The following LANCL3 variants were observed in gnomAD, a reference collection of about 807,000 sequenced individuals.
LANCL3 encodes the protein LanC like family member 3.
LANCL3 carries 19 observed loss-of-function variants against 26.5 expected under a neutral mutation model. That is an observed-to-expected ratio of 0.72 (90% confidence interval 0.50 to 1.05). The LOEUF (loss-of-function observed/expected upper bound fraction) is 1.05, where lower values mean the gene tolerates loss of function less well. Ranked by LOEUF, LANCL3 falls within the 50% of genes least tolerant of loss-of-function variation. LANCL3 has a pLI of 0.00. For missense variants in LANCL3, 318 were observed against 362.7 expected, an observed-to-expected ratio of 0.88 and a Z score of 1.00; for synonymous variants, 160 against 166.6, an observed-to-expected ratio of 0.96 and a Z score of 0.30.
chrX:37,622,307 G>C (rs1293420690), intron 1 of LANCL3, among the ~76,000 whole-genome samples: 1 of 110,727 alleles, frequency 9.0e-6, no homozygotes, highest in Non-Finnish European at 1.9e-5. Flanking sequence ...AATCAATAAG[G>C]GTTCCCTGTG....
At chrX:37,576,679 T>C (rs1348270802) in intron 1 of LANCL3, among the ~76,000 whole-genome samples, 1 of 111,457 alleles carries the variant, frequency 9.0e-6, no homozygotes, top group African/African-American at 3.3e-5. Flanking sequence ...AATAAAAGTC[T>C]GTTGGTGAAG....
intron 1 of LANCL3, among the ~76,000 whole-genome samples, chrX:37,613,764 C>G (rs1450484655): frequency 1.8e-5 from 2 of 112,306 alleles, no homozygotes; most frequent in Admixed American, 9.4e-5. Context: ...TATGTTTAGT[C>G]CATTCTACTC....
Position 37,571,809 on chromosome X carries a change from G to T in LANCL3, c.-62G>T. On this transcript the variant is annotated 5_prime_UTR_variant, in exon 1 of 5. Transcript: ENST00000378619. ...CCTCAGAGAGCCGGAGGTGGTGTGCGGGGCTGCAGGGCACGACTTCAAGCG... is the reference window on the plus strand; with the variant it reads ...CCTCAGAGAGCCGGAGGTGGTGTGCTGGGCTGCAGGGCACGACTTCAAGCG... 1 of 1,011,659 alleles carries T rather than the reference G, an allele frequency of 9.9e-7. No homozygotes were observed. The highest frequency in any genetic ancestry group is 1.3e-6 in the Non-Finnish European group (1 of 746,576). 83.4% of individuals were successfully genotyped at this position (1,011,659 alleles called of 1,213,427 possible).
intron 1 of LANCL3, among the ~76,000 whole-genome samples, chrX:37,633,778 G>A (rs782453493): frequency 8.1e-5 from 9 of 111,680 alleles, no homozygotes; most frequent in African/African-American, 2.3e-4. Flanking sequence ...CTGTCTGATC[G>A]TTCCTCTGGA....
chrX:37,581,335 A>G (rs1468383680), intron 1 of LANCL3, among the ~76,000 whole-genome samples: 1 of 112,100 alleles, frequency 8.9e-6, no homozygotes, highest in Admixed American at 9.5e-5. Context: ...GGTTTAAGGG[A>G]TATGTTGACA....
rs1926875973 is a variant in LANCL3, at chrX:37,679,123, G to T, written c.*3310G>T. 1.8e-5 allele frequency: 2 copies of T among 111,721 alleles called. No individual in the cohort carries two copies. The highest frequency in any genetic ancestry group is 6.5e-5 in the African/African-American group (2 of 30,732). The allele number at this position is 111,721 out of a possible 1,213,427, so 9.2% of individuals were successfully genotyped here. The stretch of plus-strand genomic sequence containing the variant: ...ATAATCACCCTGTCTACTTCACAGG[G>T]TTGTTATAAAAGTTGTCAATGATAA... On this transcript the variant is annotated 3_prime_UTR_variant, in exon 5 of 5. Transcript: ENST00000378619.
chrX:37,641,555 T>C (rs1486941608), intron 1 of LANCL3, among the ~76,000 whole-genome samples: 1 of 111,242 alleles, frequency 9.0e-6, no homozygotes, highest in African/African-American at 3.3e-5. Context: ...TTAAAATGTA[T>C]TTTAAGGTAC....
At chrX:37,640,281 G>A (rs1424282227) in intron 1 of LANCL3, among the ~76,000 whole-genome samples, 8 of 111,748 alleles carry the variant, frequency 7.2e-5, no homozygotes, top group Non-Finnish European at 1.1e-4. Flanking sequence ...TTAGAATCAT[G>A]TTGGAAGGGG....
chrX:37,640,007 C>T (rs782207260), intron 1 of LANCL3, among the ~76,000 whole-genome samples: 46 of 111,921 alleles, frequency 4.1e-4, no homozygotes, highest in South Asian at 3.7e-4. Context: ...CACGAGGTGA[C>T]GGTACACAAT....
Position 37,676,199 on chromosome X carries a change from A to G in LANCL3, c.*386A>G, listed in dbSNP as rs1926800625. The G allele has an allele frequency of 8.6e-6, 1 of 116,282 alleles. No individual in the cohort carries two copies. Among genetic ancestry groups the G allele is most frequent in the Admixed American group, 9.4e-5 (1 of 10,656 alleles). The allele number at this position is 116,282 out of a possible 1,213,427, so 9.6% of individuals were successfully genotyped here. On this transcript the variant is annotated 3_prime_UTR_variant, in exon 5 of 5. Coordinates refer to ENST00000378619, the MANE Select transcript of LANCL3 (RefSeq NM_001170331.2). ...ATTTGACCATTTGTGTGTGCCCTCT[A>G]CCCTTAAATTCAGAAATAAAGACAA...
At chrX:37,668,257 C>CTA (rs200578896) in intron 4 of LANCL3, 25,343 of 132,648 alleles carry the variant, frequency 0.19, 2,241 homozygotes, top group African/African-American at 0.37. Context: ...AATTGCTGGA[C>CTA]TATATATATA....
chrX:37,578,980 T>TAAA (rs782094502), intron 1 of LANCL3, among the ~76,000 whole-genome samples: 1 of 53,721 alleles, frequency 1.9e-5, no homozygotes, highest in African/African-American at 7.2e-5. Flanking sequence ...ACTCCATCTC[T>TAAA]AAAAAAAAAA....
At chrX:37,670,501 A>G (rs1926656064) in intron 4 of LANCL3, among the ~76,000 whole-genome samples, 1 of 111,374 alleles carries the variant, frequency 9.0e-6, no homozygotes, top group South Asian at 3.7e-4. Flanking sequence ...GCTAGAAATT[A>G]CTTTTTAAAT....
At chrX:37,590,052 C>T (rs782177736) in intron 1 of LANCL3, among the ~76,000 whole-genome samples, 24 of 112,708 alleles carry the variant, frequency 2.1e-4, no homozygotes, top group African/African-American at 7.7e-4. Context: ...TAAGAATTGG[C>T]TTTCTTGTCT....
At chrX:37,593,597 G>T (rs1924348835) in intron 1 of LANCL3, among the ~76,000 whole-genome samples, 1 of 112,154 alleles carries the variant, frequency 8.9e-6, no homozygotes, top group Non-Finnish European at 1.9e-5. Context: ...GCAGGAGTCT[G>T]CTATTATTTT....
chrX:37,638,040 A>T (rs1382630573), intron 1 of LANCL3, among the ~76,000 whole-genome samples: 1 of 111,143 alleles, frequency 9.0e-6, no homozygotes, highest in Non-Finnish European at 1.9e-5. Context: ...GATATGTTTA[A>T]ACTTGGAATG....
chrX:37,635,445 A>G (rs1000097039), intron 1 of LANCL3, among the ~76,000 whole-genome samples: 1 of 111,601 alleles, frequency 9.0e-6, no homozygotes, highest in African/African-American at 3.3e-5. Flanking sequence ...CCCACACACA[A>G]TTAACATGTT....
chrX:37,606,905 G>C (rs1224012790), intron 1 of LANCL3, among the ~76,000 whole-genome samples: 1 of 112,547 alleles, frequency 8.9e-6, no homozygotes, highest in African/African-American at 3.2e-5. Context: ...CATTTGCTTA[G>C]ATGCAACATG....
chrX:37,582,935 T>TTC (rs1466954365), intron 1 of LANCL3, among the ~76,000 whole-genome samples: 4 of 111,868 alleles, frequency 3.6e-5, no homozygotes, highest in African/African-American at 1.3e-4. Context: ...TCTTCTAGGG[T>TTC]TTTTATGGTT....
Sources: allele counts gnomAD v4.1 joint callset (sites outside exome capture counted in the v4.1 genomes callset), GRCh38; gene constraint gnomAD v4.1.1; transcripts MANE v1.5; gene names NCBI Gene and HGNC (gene_info 2026-07-23, HGNC 2026-07-21).